The following RUNX1T1 variants were observed in gnomAD, a reference collection of about 807,000 sequenced individuals.
RUNX1T1 encodes protein CBFA2T1.
Under a neutral mutation model 62.8 loss-of-function variants are expected in RUNX1T1, and 4 were observed. That is an observed-to-expected ratio of 0.06 (90% confidence interval 0.03 to 0.15). The LOEUF is 0.15. RUNX1T1 is among the 10% of genes least tolerant of loss of function. The pLI is 1.00. For missense variants in RUNX1T1, 508 were observed against 754.3 expected, an observed-to-expected ratio of 0.67 and a Z score of 3.82; for synonymous variants, 291 against 286.0, an observed-to-expected ratio of 1.02 and a Z score of -0.18.
upstream of RUNX1T1, among the ~76,000 whole-genome samples, chr8:92,067,871 A>G (rs904955397): frequency 1.3e-5 from 2 of 152,168 alleles, no homozygotes; most frequent in East Asian, 3.8e-4. Flanking sequence ...ATTTCCACCA[A>G]CTTATTTTCA....
intron 1 of RUNX1T1, among the ~76,000 whole-genome samples, chr8:92,033,099 A>C (rs898184604): frequency 6.6e-6 from 1 of 152,220 alleles, no homozygotes; most frequent in Non-Finnish European, 1.5e-5. Context: ...AATTATACAT[A>C]TCCTTTAATA....
At chr8:92,075,907 A>AT in intron 2 of RUNX1T1, 58 bp downstream of exon 2, 1 of 1,437,764 alleles carries the variant, frequency 7.0e-7, no homozygotes, top group Admixed American at 2.0e-5. Context: ...GAAAAAATAG[A>AT]TTGATTTTTC....
chr8:92,038,412 A>C (rs1203210188), intron 1 of RUNX1T1, among the ~76,000 whole-genome samples: 1 of 152,206 alleles, frequency 6.6e-6, no homozygotes, highest in Non-Finnish European at 1.5e-5. Flanking sequence ...CAGTAAGAAA[A>C]GAAACAAGGA....
upstream of RUNX1T1, among the ~76,000 whole-genome samples, chr8:92,064,889 A>T (rs1408624623): frequency 1.3e-5 from 2 of 152,168 alleles, no homozygotes; most frequent in Non-Finnish European, 2.9e-5. Flanking sequence ...AAGGCTTTTT[A>T]AGCTGTTATC....
chr8:92,075,824 G>A, intron 2 of RUNX1T1, 141 bp downstream of exon 2: 2 of 734,584 alleles, frequency 2.7e-6, no homozygotes, highest in Non-Finnish European at 4.2e-6. Context: ...AAAGACAAAT[G>A]TTTAAAACAT....
chr8:92,021,278 A>G (rs1824044130), intron 1 of RUNX1T1, among the ~76,000 whole-genome samples: 1 of 152,198 alleles, frequency 6.6e-6, no homozygotes, highest in Non-Finnish European at 1.5e-5. Flanking sequence ...TAGAACTTTA[A>G]TTTTTATTTC....
chr8:92,017,537 A>G, intron 1 of RUNX1T1, 174 bp from the exon 3 acceptor site: 1 of 1,503,868 alleles, frequency 6.6e-7, no homozygotes, highest in East Asian at 2.5e-5. Context: ...ACCCCACTTA[A>G]GAAGGTATAG....
At chr8:92,087,077 G>A (rs1173889743) in intron 1 of RUNX1T1, among the ~76,000 whole-genome samples, 1 of 152,104 alleles carries the variant, frequency 6.6e-6, no homozygotes, top group Non-Finnish European at 1.5e-5. Flanking sequence ...AAGACGCCCA[G>A]CTAGAAAATC....
intron 6 of RUNX1T1, among the ~76,000 whole-genome samples, chr8:91,991,098 AT>A (rs2130874855): frequency 6.6e-6 from 1 of 152,296 alleles, no homozygotes; most frequent in African/African-American, 2.4e-5. Flanking sequence ...AATCACTGGC[AT>A]TTTCAAGTAA....
chr8:91,955,843 G>C (rs920401713), downstream of RUNX1T1: 5 of 227,742 alleles, frequency 2.2e-5, no homozygotes, highest in Non-Finnish European at 4.4e-5. Flanking sequence ...AGGGGAGAAG[G>C]GTTTGTTTTT....
intron 8 of RUNX1T1, among the ~76,000 whole-genome samples, chr8:91,976,273 T>C (rs930018977): frequency 6.6e-6 from 1 of 152,346 alleles, no homozygotes; most frequent in South Asian, 2.1e-4. Flanking sequence ...TTTCTGACTA[T>C]GGAGACTTCT....
intron 1 of RUNX1T1, among the ~76,000 whole-genome samples, chr8:92,043,464 A>C (rs889238731): frequency 6.6e-6 from 1 of 152,018 alleles, no homozygotes; most frequent in Non-Finnish European, 1.5e-5. Flanking sequence ...AACTTTATTA[A>C]AAGTCATTAT....
chr8:92,030,076 G>T (rs1170542071), intron 1 of RUNX1T1, among the ~76,000 whole-genome samples: 1 of 152,146 alleles, frequency 6.6e-6, no homozygotes, highest in African/African-American at 2.4e-5. Flanking sequence ...CTCATCTCAT[G>T]CCTCATTGGT....
At chr8:91,972,701 T>C (rs1813103523) in intron 9 of RUNX1T1, among the ~76,000 whole-genome samples, 2 of 152,120 alleles carry the variant, frequency 1.3e-5, no homozygotes, top group Admixed American at 6.5e-5. Flanking sequence ...ACTAATTGTA[T>C]ATGCAAATCA....
chr8:92,026,659 A>G (rs1311048487), intron 1 of RUNX1T1, among the ~76,000 whole-genome samples: 1 of 151,186 alleles, frequency 6.6e-6, no homozygotes, highest in Non-Finnish European at 1.5e-5. Flanking sequence ...GTCTCTACGA[A>G]AAATATGAAA....
intron 1 of RUNX1T1, among the ~76,000 whole-genome samples, chr8:92,097,772 C>T (rs1005021948): frequency 6.6e-6 from 1 of 152,126 alleles, no homozygotes; most frequent in Admixed American, 6.5e-5. Flanking sequence ...CTATTAGTAC[C>T]TTGTTTGTTC....
chr8:91,955,453 G>A, downstream of RUNX1T1: 1 of 227,276 alleles, frequency 4.4e-6, no homozygotes, highest in Non-Finnish European at 8.7e-6. Context: ...GTGTGGGAGT[G>A]AGGGTGTTTC....
intron 1 of RUNX1T1, among the ~76,000 whole-genome samples, chr8:92,037,170 C>T (rs1030273797): frequency 3.3e-5 from 5 of 152,136 alleles, no homozygotes; most frequent in Non-Finnish European, 7.3e-5. Context: ...TAAACTTTCT[C>T]ATCAATGTGT....
chr8:92,095,592 G>A, intron 1 of RUNX1T1: 1 of 1,421,816 alleles, frequency 7.0e-7, no homozygotes, highest in Admixed American at 3.0e-5. Context: ...GTGTGAGACG[G>A]AGCGGGAGAG....
Sources: gnomAD v4.1 joint callset for allele counts (sites outside exome capture counted in the v4.1 genomes callset) on GRCh38, gnomAD v4.1.1 for gene constraint, MANE v1.5 for transcripts, NCBI Gene and HGNC (gene_info 2026-07-23, HGNC 2026-07-21) for gene names.